The following SYN3 variants were observed in gnomAD, a reference collection of about 807,000 sequenced individuals.
The protein encoded by SYN3 is synapsin-3.
In SYN3, 35 loss-of-function variants were observed where a neutral mutation model predicts 65.8. That is an observed-to-expected ratio of 0.53 (90% confidence interval 0.41 to 0.70). The LOEUF (loss-of-function observed/expected upper bound fraction) is 0.70. SYN3 is among the 30% of genes least tolerant of loss of function. The probability of loss-of-function intolerance (pLI) is 0.00; values close to 1 mark genes in which losing one functional copy is unlikely to be tolerated. For synonymous variants in SYN3, 270 were observed against 292.9 expected, an observed-to-expected ratio of 0.92 and a Z score of 0.80; for missense variants, 680 against 749.0, an observed-to-expected ratio of 0.91 and a Z score of 1.08.
intron 1 of SYN3, among the ~76,000 whole-genome samples, chr22:33,046,841 T>TA (rs71187229): frequency 0.25 from 22,826 of 92,706 alleles, 3,221 homozygotes; most frequent in South Asian, 0.33. Flanking sequence ...AGTCTCTGTT[T>TA]AAAAAAAAAA....
At chr22:32,818,519 A>G (rs1339055947) in intron 6 of SYN3, among the ~76,000 whole-genome samples, 4 of 152,186 alleles carry the variant, frequency 2.6e-5, no homozygotes, top group African/African-American at 9.7e-5. Context: ...TGGGTTCTCA[A>G]GTAGTCACTA....
intron 3 of SYN3, among the ~76,000 whole-genome samples, chr22:32,944,510 C>G (rs1166662403): frequency 6.6e-6 from 1 of 152,166 alleles, no homozygotes; most frequent in African/African-American, 2.4e-5. Flanking sequence ...ATGCTAAAAA[C>G]TCTCAATAAA....
chr22:32,641,468 C>A (rs558431635), intron 6 of SYN3, among the ~76,000 whole-genome samples: 10 of 151,830 alleles, frequency 6.6e-5, no homozygotes, highest in African/African-American at 2.2e-4. Flanking sequence ...ATTAGCTGGG[C>A]GTGGTGGCGG....
intron 7 of SYN3, among the ~76,000 whole-genome samples, chr22:32,586,643 CAG>C (rs1171559722): frequency 1.3e-5 from 2 of 152,102 alleles, no homozygotes; most frequent in African/African-American, 4.8e-5. Context: ...AACCAGGAGA[CAG>C]AGTGTTATCT....
At chr22:32,607,382 T>C (rs1286582228) in intron 6 of SYN3, among the ~76,000 whole-genome samples, 8 of 152,176 alleles carry the variant, frequency 5.3e-5, no homozygotes, top group Admixed American at 4.6e-4. Flanking sequence ...TCTTCTCTTC[T>C]TGTACCCCAA....
intron 6 of SYN3, among the ~76,000 whole-genome samples, chr22:32,725,755 T>C (rs1327195896): frequency 2.6e-5 from 4 of 152,250 alleles, no homozygotes; most frequent in African/African-American, 2.4e-5. Context: ...TTTAGACTTC[T>C]GACGTCCAAA....
At chr22:33,040,398 C>T (rs554593929) in intron 1 of SYN3, among the ~76,000 whole-genome samples, 87 of 152,328 alleles carry the variant, frequency 5.7e-4, no homozygotes, top group African/African-American at 2.0e-3. Context: ...CTAGCTCAAA[C>T]ATGCATCATG....
At chr22:32,657,538 G>T (rs2060159364) in intron 6 of SYN3, among the ~76,000 whole-genome samples, 1 of 152,260 alleles carries the variant, frequency 6.6e-6, no homozygotes, top group Non-Finnish European at 1.5e-5. Flanking sequence ...AAGGAAGGTT[G>T]TTGCCCCAGG....
At chr22:32,798,649 C>T (rs143112239) in intron 6 of SYN3, among the ~76,000 whole-genome samples, 15 of 149,384 alleles carry the variant, frequency 1.0e-4, no homozygotes, top group African/African-American at 3.7e-4. Context: ...TTGTTCTTAG[C>T]TGTCAAGAGA....
intron 6 of SYN3, among the ~76,000 whole-genome samples, chr22:32,780,136 C>T (rs1027057295): frequency 6.6e-6 from 1 of 151,684 alleles, no homozygotes; most frequent in East Asian, 1.9e-4. Context: ...GAGCCCGAAG[C>T]CTTCTGCCCT....
chr22:32,906,793 T>C (rs903694309), intron 4 of SYN3, among the ~76,000 whole-genome samples: 1 of 152,182 alleles, frequency 6.6e-6, no homozygotes, highest in Non-Finnish European at 1.5e-5. Context: ...TTGCTGAGAA[T>C]GATGGCTTCC....
At chr22:32,916,902 C>T (rs1432382585) in intron 4 of SYN3, among the ~76,000 whole-genome samples, 1 of 152,168 alleles carries the variant, frequency 6.6e-6, no homozygotes, top group Non-Finnish European at 1.5e-5. Flanking sequence ...AAATGGAGCA[C>T]TCCATCCCTG....
At chr22:32,767,641 C>T (rs1157977198) in intron 6 of SYN3, among the ~76,000 whole-genome samples, 2 of 152,194 alleles carry the variant, frequency 1.3e-5, no homozygotes, top group East Asian at 3.8e-4. Flanking sequence ...TGTCTTTGAA[C>T]TTACATTGTT....
intron 6 of SYN3, chr22:32,862,857 C>A (rs551762820): frequency 6.5e-6 from 1 of 152,728 alleles, no homozygotes; most frequent in Non-Finnish European, 1.5e-5. Flanking sequence ...AACAAGAGAT[C>A]TCGAACCCTG....
intron 2 of SYN3, among the ~76,000 whole-genome samples, chr22:32,987,501 A>G (rs930091593): frequency 6.6e-6 from 1 of 152,168 alleles, no homozygotes; most frequent in African/African-American, 2.4e-5. Context: ...CCGCCCCCTC[A>G]ACCGCAAACA....
chr22:32,979,869 G>A (rs947832702), intron 3 of SYN3, among the ~76,000 whole-genome samples: 2 of 152,110 alleles, frequency 1.3e-5, no homozygotes, highest in Non-Finnish European at 2.9e-5. Flanking sequence ...AGTAAGGGGC[G>A]GTGTTAGGAT....
At chr22:32,672,499 G>T (rs1205064808) in intron 6 of SYN3, among the ~76,000 whole-genome samples, 1 of 152,168 alleles carries the variant, frequency 6.6e-6, no homozygotes, top group Non-Finnish European at 1.5e-5. Context: ...GGAGTCAGGC[G>T]TCTTCTCCCC....
At chr22:32,811,032 C>T (rs1348449802) in intron 6 of SYN3, among the ~76,000 whole-genome samples, 1 of 152,062 alleles carries the variant, frequency 6.6e-6, no homozygotes, top group East Asian at 1.9e-4. Flanking sequence ...AAGTGAAATA[C>T]TTCATGGAAT....
chr22:32,596,559 C>G, intron 7 of SYN3, 115 bp downstream of exon 7: 1 of 1,035,850 alleles, frequency 9.7e-7, no homozygotes, highest in Non-Finnish European at 1.4e-6. Context: ...CTTTCTAACA[C>G]TCTGTTCTGG....
Sources: gnomAD v4.1 joint callset for allele counts (sites outside exome capture counted in the v4.1 genomes callset) on GRCh38, gnomAD v4.1.1 for gene constraint, MANE v1.5 for transcripts, NCBI Gene and HGNC (gene_info 2026-07-23, HGNC 2026-07-21) for gene names.